AGL: variants seen among roughly 807,000 people sequenced by gnomAD.
AGL encodes glycogen debranching enzyme.
Under a neutral mutation model 199.3 loss-of-function variants are expected in AGL, and 128 were observed. That is an observed-to-expected ratio of 0.64 (90% CI 0.56 to 0.74). The LOEUF is 0.74. Ranked by LOEUF, AGL falls within the 30% of genes least tolerant of loss-of-function variation. The pLI is 0.00. For missense variants in AGL, 1,809 were observed against 1,820.8 expected (o/e 0.99, Z 0.12); for synonymous variants, 584 against 594.7 (o/e 0.98, Z 0.26).
chr1:99,922,629 A>T lies in AGL; in HGVS notation c.*978A>T, dbSNP rs1388578287. On this transcript the variant is annotated 3_prime_UTR_variant, in exon 34 of 34. Coordinates refer to ENST00000361915, the MANE Select transcript of AGL (RefSeq NM_000642.3). ...GTTTTTCATGATAACTTATTTTAAGATGCCTTAAAAATCTTAAAGTCACAA... is the reference window on the plus strand; with the variant it reads ...GTTTTTCATGATAACTTATTTTAAGTTGCCTTAAAAATCTTAAAGTCACAA... 1 of 151,930 alleles carries T rather than the reference A, an allele frequency of 6.6e-6. No individual in the cohort carries two copies. Among genetic ancestry groups the T allele is most frequent in the Non-Finnish European group, 1.5e-5 (1 of 67,870 alleles). 9.4% of individuals were successfully genotyped at this position (151,930 alleles called of 1,614,324 possible). A position where few individuals can be genotyped will look rare whatever the true frequency, so the allele number is the denominator to read the frequency against.
chr1:99,881,151 G>T lies in AGL; in HGVS notation c.1975G>T (p.Gly659Cys). 6.2e-7 allele frequency: 1 copy of T among 1,613,920 alleles called. No homozygotes were observed. Among genetic ancestry groups the T allele is most frequent in the Non-Finnish European group, 8.5e-7 (1 of 1,179,892 alleles). ...MACCASGSTR[G>C]YDELVPHQIS... ...ATGTTGTGCTAGTGGAAGTACAAGA[G>T]GCTATGATGAATTAGTGCCTCATCA... is the stretch of plus-strand genomic sequence containing the variant. Residue 659 changes from glycine (G) to cysteine (C), a missense_variant, in exon 15 of 34, where the codon GGC (glycine) becomes TGC (cysteine). Coordinates refer to ENST00000361915, the MANE Select transcript of AGL (RefSeq NM_000642.3).
chr1:99,851,801 C>T (rs1189680640), intron 2 of AGL, among the ~76,000 whole-genome samples: 1 of 152,100 alleles, frequency 6.6e-6, no homozygotes, highest in Non-Finnish European at 1.5e-5. Context: ...TATGAAAAAT[C>T]CAGTCCCCCT....
chr1:99,863,881 G>A (rs1216475458), intron 4 of AGL, among the ~76,000 whole-genome samples: 1 of 150,450 alleles, frequency 6.6e-6, no homozygotes, highest in Non-Finnish European at 1.5e-5. Flanking sequence ...GGCTCAAGTA[G>A]TCCTCTTGCC....
rs775456630 is a variant in AGL at position 99,881,136 on chromosome 1, A to G, written c.1960A>G (p.Ser654Gly). The G allele has an allele frequency of 3.7e-6, 6 of 1,613,916 alleles. No individual in the cohort carries two copies. Among genetic ancestry groups the G allele is most frequent in the Non-Finnish European group, 5.1e-6 (6 of 1,179,954 alleles). The part of the protein sequence containing the change: ...TTIVSMACCA[S>G]GSTRGYDELV... ...AATTGTTTCTATGGCATGTTGTGCT[A>G]GTGGAAGTACAAGAGGCTATGATGA... The change falls in exon 15 of 34, where the codon AGT (serine) becomes GGT (glycine). Residue 654 changes from serine to glycine, a missense_variant. Physicochemically the swap from Ser to Gly is moderately conservative, Grantham distance 56. Transcript: ENST00000361915.
At chr1:99,910,974 C>T in intron 28 of AGL, 127 bp downstream of exon 28, 1 of 899,048 alleles carries the variant, frequency 1.1e-6, no homozygotes. Flanking sequence ...CTGCCTTCTT[C>T]CCTTCATCTC....
rs559472355 is a variant in AGL, at chr1:99,901,170, A to T, written c.3588+309A>T. Among the ~76,000 whole-genome samples, 7 of 152,040 alleles carry T rather than the reference A, an allele frequency of 4.6e-5. No individual in the cohort carries two copies. The South Asian group carries it at 1.5e-3, about 32-fold the overall frequency. The stretch of plus-strand genomic sequence containing the variant: ...GGTAGGTCTCAGGGAGAACGTTAGA[A>T]AGTAGCTAAAGTTTCACCTAAATGA... On this transcript the variant is annotated intron_variant, in intron 26 of 33. Transcript: ENST00000361915.
At chr1:99,888,574 T>A (rs1452428835) in intron 21 of AGL, among the ~76,000 whole-genome samples, 18 of 152,210 alleles carry the variant, frequency 1.2e-4, no homozygotes, top group Admixed American at 8.5e-4. Flanking sequence ...CACCTTTTTT[T>A]AAATCTAATT....
In AGL at chr1:99,884,181, G is replaced by A. The variant is rs1652265835; in HGVS notation, c.2370G>A (p.Arg790=). The A allele has an allele frequency of 1.9e-6, 3 of 1,612,768 alleles. No individual in the cohort carries two copies. The highest frequency in any genetic ancestry group is 2.5e-6 in the Non-Finnish European group (3 of 1,179,108). The change falls in exon 18 of 34, where the codon AGG becomes AGA. Residue 790 remains arginine (R), a synonymous_variant. Transcript: ENST00000361915. ...RTIERNTKPY[R]KDENSINGTP... is the part of the protein sequence containing the mutation. ...TTGAGAGAAACACGAAACCTTATAGGAAGGATGAGAATTCAATCAATGGAA... is the reference window on the plus strand; with the variant it reads ...TTGAGAGAAACACGAAACCTTATAGAAAGGATGAGAATTCAATCAATGGAA...
intron 2 of AGL, among the ~76,000 whole-genome samples, chr1:99,856,201 C>T (rs1207667461): frequency 1.3e-5 from 2 of 152,068 alleles, no homozygotes; most frequent in African/African-American, 2.4e-5. Flanking sequence ...ATTTTAGTTT[C>T]AGTGATTTGC....
rs756683206 is a variant in AGL at position 99,884,566 on chromosome 1, CAG to C, written c.2547_2548del. 1 of 1,613,730 alleles carries C rather than the reference CAG, an allele frequency of 6.2e-7. No individual in the cohort carries two copies. Among genetic ancestry groups the C allele is most frequent in the Non-Finnish European group, 8.5e-7 (1 of 1,179,812 alleles). ...TTAACCACTTTTTAATTAACATTTT[CAG>C]AGTTAGTCTTGATCCACATGCACAA... On this transcript the variant is annotated splice_acceptor_variant, in intron 19 of 33. Coordinates refer to ENST00000361915, the MANE Select transcript of AGL (RefSeq NM_000642.3). LOFTEE classifies it high-confidence loss of function.
rs573518655 is a variant in AGL, at chr1:99,855,083, C to T, written c.82+3959C>T. 2.5e-3 allele frequency among the ~76,000 whole-genome samples: 375 copies of T among 152,174 alleles called. 1 individual carries two copies. Among genetic ancestry groups the T allele is most frequent in the Non-Finnish European group, 4.4e-3 (298 of 68,006 alleles). On this transcript the variant is annotated intron_variant, in intron 2 of 33. Transcript: ENST00000361915. ...AGGCGTGCTGGCGGGTGCCTGTAAT[C>T]CCAGCTACTTGGGAGGCTGAGGCAG...
chr1:99,855,164 G>A lies in AGL; in HGVS notation c.82+4040G>A, dbSNP rs564939391. ...TTCAGTAAGCCAAGATCGTGCCAATGCACTCCAGCCCGGGCAACAGAGCGA... is the reference window on the plus strand; with the variant it reads ...TTCAGTAAGCCAAGATCGTGCCAATACACTCCAGCCCGGGCAACAGAGCGA... On this transcript the variant is annotated intron_variant, in intron 2 of 33. Coordinates refer to ENST00000361915, the MANE Select transcript of AGL (RefSeq NM_000642.3). Among the ~76,000 whole-genome samples, 16 of 152,090 alleles carry A rather than the reference G, an allele frequency of 1.1e-4. No homozygotes were observed. In the South Asian group the frequency reaches 3.1e-3, roughly 30 times the overall value.
At chr1:99,856,646 C>G (rs1354889299) in intron 2 of AGL, among the ~76,000 whole-genome samples, 1 of 151,980 alleles carries the variant, frequency 6.6e-6, no homozygotes, top group Non-Finnish European at 1.5e-5. Context: ...GGTGATGACT[C>G]TTAGGGAGCA....
rs1020188472 is a variant in AGL at position 99,885,131 on chromosome 1, C to T, written c.2681+428C>T. On this transcript the variant is annotated intron_variant, in intron 20 of 33. Transcript: ENST00000361915. ...ACATCTAGATTGCTTCTAATTGTTC[C>T]CTATTATTTATGTCTTTGTACATTC... 2.0e-5 allele frequency among the ~76,000 whole-genome samples: 3 copies of T among 152,140 alleles called. No individual in the cohort carries two copies. In the East Asian group the frequency reaches 5.8e-4, roughly 29 times the overall value.
chr1:99,855,195 C>T (rs753162654), intron 2 of AGL, among the ~76,000 whole-genome samples: 2 of 149,584 alleles, frequency 1.3e-5, no homozygotes, highest in African/African-American at 2.5e-5. Flanking sequence ...AGCGAGACTC[C>T]GACTCAAAAA....
chr1:99,906,140 T>G (rs934183013), intron 27 of AGL, among the ~76,000 whole-genome samples: 1 of 152,104 alleles, frequency 6.6e-6, no homozygotes. Context: ...CTCCTCATTA[T>G]CTCCTTCCCC....
chr1:99,881,181 T>C lies in AGL; in HGVS notation c.2001+4T>C, dbSNP rs989274141. The C allele has an allele frequency of 5.6e-6, 9 of 1,613,418 alleles. No homozygotes were observed. The African/African-American group carries it at 1.2e-4, about 22-fold the overall frequency. On this transcript the variant is annotated splice_donor_region_variant and intron_variant, in intron 15 of 33. Transcript: ENST00000361915. ...TGATGAATTAGTGCCTCATCAGGTT[T>C]GTTTATATGTTGTTTCTTAAAACCT...
In AGL at chr1:99,877,701, A is replaced by C; in HGVS notation, c.1484A>C (p.Tyr495Ser). The C allele has an allele frequency of 1.2e-6, 2 of 1,614,076 alleles. No individual in the cohort carries two copies. The highest frequency in any genetic ancestry group is 1.7e-6 in the Non-Finnish European group (2 of 1,179,968). ...ICWGDSVKLR[Y>S]GNKPEDCPYL... ...TGGGGAGACAGTGTTAAATTACGCT[A>C]TGGGAATAAACCAGAGGACTGTCCT... The change falls in exon 12 of 34, where the codon TAT (tyrosine) becomes TCT (serine). Residue 495 changes from tyrosine to serine, a missense_variant. Tyr to Ser is a moderately radical substitution (Grantham distance 144). Coordinates refer to ENST00000361915, the MANE Select transcript of AGL (RefSeq NM_000642.3).
At position 99,880,907 on chromosome 1, in the gene AGL, A is replaced by G. The variant is rs1467359107; in HGVS notation, c.1899+112A>G. On this transcript the variant is annotated intron_variant, in intron 14 of 33. Coordinates refer to ENST00000361915, the MANE Select transcript of AGL (RefSeq NM_000642.3). Reference sequence around the variant, plus strand: ...TACTTCAAAATAGTGTCTTAGATTTATAACTGATTTATAATACATAGTTTT... The same window carrying G: ...TACTTCAAAATAGTGTCTTAGATTTGTAACTGATTTATAATACATAGTTTT... The G allele has an allele frequency of 2.9e-6, 4 of 1,361,128 alleles. No homozygotes were observed. The South Asian group carries it at 4.7e-5, about 16-fold the overall frequency. The allele number at this position is 1,361,128 out of a possible 1,614,324, so 84.3% of individuals were successfully genotyped here.
Sources: allele counts gnomAD v4.1 joint callset (sites outside exome capture counted in the v4.1 genomes callset), GRCh38; gene constraint gnomAD v4.1.1; transcripts MANE v1.5; gene names NCBI Gene and HGNC (gene_info 2026-07-23, HGNC 2026-07-21).